The following PLCB4 variants were observed in gnomAD, a reference collection of about 807,000 sequenced individuals.
The protein encoded by PLCB4 is phospholipase C beta 4, also known as 1-phosphatidylinositol 4,5-bisphosphate phosphodiesterase beta-4.
Under a neutral mutation model 178.8 loss-of-function variants are expected in PLCB4, and 77 were observed. The ratio of observed to expected loss-of-function variants is 0.43; its 90% CI spans 0.36 to 0.52. PLCB4 has a LOEUF of 0.52. Among genes scored for constraint, PLCB4 ranks in the 20% least tolerant of loss-of-function variants. PLCB4 has a pLI of 0.00. For synonymous variants in PLCB4, 496 were observed against 490.8 expected, an observed-to-expected ratio of 1.01 and a Z score of -0.14; for missense variants, 1,024 against 1,453.4, an observed-to-expected ratio of 0.70 and a Z score of 4.80.
chr20:9,160,074 A>G (rs1198864334), intron 2 of PLCB4, among the ~76,000 whole-genome samples: 3 of 152,194 alleles, frequency 2.0e-5, no homozygotes, highest in African/African-American at 7.2e-5. Context: ...GCTGCTGCTC[A>G]GTTCTAGCCA....
intron 25 of PLCB4, among the ~76,000 whole-genome samples, chr20:9,413,331 G>A (rs1214054330): frequency 1.3e-5 from 2 of 151,926 alleles, no homozygotes. Context: ...AAATCCTGAC[G>A]GCTCGGCCCA....
At chr20:9,319,886 G>C (rs1313723468) in intron 4 of PLCB4, among the ~76,000 whole-genome samples, 2 of 152,136 alleles carry the variant, frequency 1.3e-5, no homozygotes, top group East Asian at 3.8e-4. Context: ...AATCATGACA[G>C]GTGTTTTTTA....
chr20:9,272,259 GA>G (rs767696265), intron 3 of PLCB4, among the ~76,000 whole-genome samples: 1 of 151,886 alleles, frequency 6.6e-6, no homozygotes, highest in Non-Finnish European at 1.5e-5. Context: ...TCTTAATACA[GA>G]ACTTTGTTGC....
chr20:9,278,216 A>G (rs982683329), intron 3 of PLCB4, among the ~76,000 whole-genome samples: 5 of 152,088 alleles, frequency 3.3e-5, no homozygotes, highest in Admixed American at 3.3e-4. Flanking sequence ...ACTTTAATAC[A>G]TGTCAGTAAC....
intron 2 of PLCB4, among the ~76,000 whole-genome samples, chr20:9,128,582 G>A (rs923976062): frequency 2.6e-5 from 4 of 151,898 alleles, no homozygotes; most frequent in African/African-American, 4.8e-5. Context: ...ACGGGGTTTC[G>A]CCTTATTGAC....
At chr20:9,408,443 C>T (rs2039612568) in intron 22 of PLCB4, among the ~76,000 whole-genome samples, 190 bp from the exon 23 acceptor site, 1 of 113,136 alleles carries the variant, frequency 8.8e-6, no homozygotes, top group Non-Finnish European at 1.7e-5. Context: ...ATTCATATTT[C>T]GGTGGTGGCT....
At chr20:9,146,144 G>A (rs2092594807) in intron 2 of PLCB4, among the ~76,000 whole-genome samples, 1 of 152,114 alleles carries the variant, frequency 6.6e-6, no homozygotes, top group African/African-American at 2.4e-5. Context: ...TGTAAACAGA[G>A]TTTAGAGTTT....
intron 4 of PLCB4, among the ~76,000 whole-genome samples, chr20:9,310,200 G>A (rs909386176): frequency 7.9e-5 from 12 of 152,086 alleles, no homozygotes; most frequent in African/African-American, 2.9e-4. Context: ...GAAAAGGTTC[G>A]TTTCTATGGT....
intron 3 of PLCB4, among the ~76,000 whole-genome samples, chr20:9,268,385 T>C (rs1349697938): frequency 6.6e-6 from 1 of 152,188 alleles, no homozygotes; most frequent in African/African-American, 2.4e-5. Context: ...TGATATCCCA[T>C]TATTCCAAAC....
chr20:9,370,905 T>A (rs764593013), intron 9 of PLCB4: 7 of 199,852 alleles, frequency 3.5e-5, no homozygotes, highest in Non-Finnish European at 7.2e-5. Context: ...TGAGACTCTG[T>A]CTCAAAAAAT....
In PLCB4 at chr20:9,338,883, C is replaced by A. The variant is rs756778618; in HGVS notation, c.226-11C>A. 2 of 1,610,138 alleles carry A rather than the reference C, an allele frequency of 1.2e-6. No individual in the cohort carries two copies. Among genetic ancestry groups the A allele is most frequent in the Admixed American group, 3.3e-5 (2 of 59,866 alleles). ...ACTTATTTTTTTTTCTATCTGTGTA[C>A]CTCTATACAGGATCCCAAAATCTTG... On this transcript the variant is annotated splice_polypyrimidine_tract_variant and intron_variant, in intron 6 of 39. Transcript: ENST00000378473.
chr20:9,102,399 T>C (rs1200375993), intron 2 of PLCB4, among the ~76,000 whole-genome samples: 2 of 152,336 alleles, frequency 1.3e-5, no homozygotes, highest in Admixed American at 6.5e-5. Context: ...TTGATACTCA[T>C]TTAAAAGCAG....
At chr20:9,337,654 A>G (rs190127227) in intron 5 of PLCB4, among the ~76,000 whole-genome samples, 2 of 152,336 alleles carry the variant, frequency 1.3e-5, no homozygotes, top group East Asian at 1.9e-4. Flanking sequence ...GAAAAGAATT[A>G]AAGTTATATA....
intron 3 of PLCB4, among the ~76,000 whole-genome samples, chr20:9,237,275 C>T (rs1817328007): frequency 6.6e-6 from 1 of 152,114 alleles, no homozygotes; most frequent in Admixed American, 6.6e-5. Flanking sequence ...CGACTATATG[C>T]TTGTCACACA....
At chr20:9,115,692 T>C (rs1406381878) in intron 2 of PLCB4, among the ~76,000 whole-genome samples, 4 of 151,110 alleles carry the variant, frequency 2.6e-5, no homozygotes, top group African/African-American at 9.7e-5. Flanking sequence ...CTTCTTATAG[T>C]ATAATTGAAA....
chr20:9,162,049 T>C (rs1256231148), intron 2 of PLCB4, among the ~76,000 whole-genome samples: 1 of 152,150 alleles, frequency 6.6e-6, no homozygotes, highest in Non-Finnish European at 1.5e-5. Context: ...CCTTTATTTC[T>C]TTAGCATGTT....
intron 30 of PLCB4, among the ~76,000 whole-genome samples, chr20:9,437,362 G>A (rs1164745017): frequency 6.6e-6 from 1 of 152,184 alleles, no homozygotes; most frequent in Non-Finnish European, 1.5e-5. Flanking sequence ...AACCAACATA[G>A]TTATTCCTAT....
chr20:9,288,818 G>T (rs530235506), intron 3 of PLCB4, among the ~76,000 whole-genome samples: 2 of 152,122 alleles, frequency 1.3e-5, no homozygotes, highest in East Asian at 3.9e-4. Flanking sequence ...ACTCAAAAAG[G>T]CATATTTTGA....
At chr20:9,371,496 C>T (rs1337219471) in intron 10 of PLCB4, among the ~76,000 whole-genome samples, 1 of 152,052 alleles carries the variant, frequency 6.6e-6, no homozygotes, top group East Asian at 1.9e-4. Context: ...TCCTTCCTCC[C>T]TTCCTTCCTT....
Sources: allele counts gnomAD v4.1 joint callset (sites outside exome capture counted in the v4.1 genomes callset), GRCh38; gene constraint gnomAD v4.1.1; transcripts MANE v1.5; gene names NCBI Gene and HGNC (gene_info 2026-07-23, HGNC 2026-07-21).